AGBL2: variants seen among roughly 807,000 people sequenced by gnomAD.
AGBL2 encodes the protein cytosolic carboxypeptidase 2.
AGBL2 carries 87 observed loss-of-function variants against 103.0 expected under a neutral mutation model. That is an observed-to-expected ratio of 0.84 (90% CI 0.71 to 1.01). The LOEUF (loss-of-function observed/expected upper bound fraction) is 1.01, where lower values mean the gene tolerates loss of function less well. AGBL2 is among the 50% of genes least tolerant of loss of function. The pLI is 0.00. For synonymous variants in AGBL2, 335 were observed against 356.7 expected (o/e 0.94, Z 0.69); for missense variants, 904 against 1,023.5 (o/e 0.88, Z 1.59).
intron 17 of AGBL2, 96 bp downstream of exon 17, chr11:47,666,860 T>C (rs1267102268): frequency 1.2e-6 from 1 of 827,290 alleles, no homozygotes; most frequent in East Asian, 2.6e-5. Context: ...TAGGGTAACG[T>C]AAATGGCTAT....
Position 47,710,481 on chromosome 11 carries a change from G to A in AGBL2, c.128C>T (p.Thr43Met), listed in dbSNP as rs771276401. ...AQRGSLPNSA[T>M]HQHVRKNNPQ... ...GTTATTCTTCCGAACATGCTGATGC[G>A]TAGCAGAGTTTGGTAAACTGCCTCT... is the stretch of plus-strand genomic sequence containing the variant. Residue 43 changes from threonine (T) to methionine (M), a missense_variant, in exon 4 of 19, where the codon ACG becomes ATG. Physicochemically the swap from Thr to Met is moderately conservative, Grantham distance 81 (BLOSUM62 -1). Transcript: ENST00000525123. The A allele has an allele frequency of 4.3e-5, 70 of 1,614,114 alleles. No homozygotes were observed. The highest frequency in any genetic ancestry group is 8.0e-5 in the African/African-American group (6 of 75,030).
At position 47,704,746 on chromosome 11, in the gene AGBL2, A is replaced by G; in HGVS notation, c.401-18T>C. 6.2e-7 allele frequency: 1 copy of G among 1,605,860 alleles called. No homozygotes were observed. Among genetic ancestry groups the G allele is most frequent in the Non-Finnish European group, 8.5e-7 (1 of 1,175,214 alleles). Reference sequence around the variant, plus strand: ...ATGTGAATCTGCCAAAGGGAAAGAGAGTAAGTGAACATCTTCCTTTTCCTC... The same window carrying G: ...ATGTGAATCTGCCAAAGGGAAAGAGGGTAAGTGAACATCTTCCTTTTCCTC... On this transcript the variant is annotated intron_variant, in intron 6 of 18. Transcript: ENST00000525123.
intron 13 of AGBL2, among the ~76,000 whole-genome samples, chr11:47,677,846 C>A (rs7930612): frequency 0.12 from 18,138 of 152,180 alleles, 1,203 homozygotes; most frequent in Non-Finnish European, 0.15. Flanking sequence ...TGCACCCCTG[C>A]TAGTAAGGAC....
intron 4 of AGBL2, among the ~76,000 whole-genome samples, chr11:47,708,811 T>TC (rs1385932430): frequency 1.6e-4 from 22 of 134,606 alleles, no homozygotes; most frequent in African/African-American, 5.8e-4. Flanking sequence ...AGACTCTGTC[T>TC]CAAAAAAAAA....
Position 47,712,971 on chromosome 11 carries a change from G to A in AGBL2, c.97+1313C>T, listed in dbSNP as rs542485682. On this transcript the variant is annotated intron_variant, in intron 3 of 18. Coordinates refer to ENST00000525123, the MANE Select transcript of AGBL2 (RefSeq NM_024783.4). ...GCAGGAAAATCGCTTGACCCCGCGA[G>A]GTGGAAGTTGCAGCAAGCCTAGATT... is the stretch of plus-strand genomic sequence containing the variant. 2.0e-5 allele frequency among the ~76,000 whole-genome samples: 3 copies of A among 152,140 alleles called. No homozygotes were observed. The East Asian group carries it at 5.8e-4, about 29-fold the overall frequency.
rs1349274033 is a variant in AGBL2 at position 47,690,288 on chromosome 11, T to C, written c.1419A>G (p.Lys473=). ...PGESNGSWVM[K]GFLDFILSNS... The stretch of plus-strand genomic sequence containing the variant: ...TGCTAAGGATGAAGTCCAAAAAGCC[T>C]TTCATAACCCAGGAGCCATTACTTT... The change falls in exon 10 of 19, where the codon AAA becomes AAG. Residue 473 remains lysine (K), a synonymous_variant. Transcript: ENST00000525123. 8 of 1,613,684 alleles carry C rather than the reference T, an allele frequency of 5.0e-6. No homozygotes were observed. In the South Asian group the frequency reaches 8.8e-5, roughly 18 times the overall value.
intron 17 of AGBL2, among the ~76,000 whole-genome samples, chr11:47,665,466 G>A (rs2097339060): frequency 6.6e-6 from 1 of 151,886 alleles, no homozygotes; most frequent in Non-Finnish European, 1.5e-5. Flanking sequence ...AAAGTGCTGG[G>A]ATTACAGATG....
chr11:47,663,622 T>C (rs905437682), intron 17 of AGBL2, among the ~76,000 whole-genome samples: 1 of 151,542 alleles, frequency 6.6e-6, no homozygotes, highest in Non-Finnish European at 1.5e-5. Context: ...AATGGCGCAA[T>C]CTTGGCTCAC....
At chr11:47,710,908 T>TAAAA in intron 3 of AGBL2, 1 of 222,720 alleles carries the variant, frequency 4.5e-6, no homozygotes, top group Non-Finnish European at 8.4e-6. Flanking sequence ...AGATCCTGTC[T>TAAAA]CAAAAAAAAA....
chr11:47,702,952 T>G (rs1329476954), intron 7 of AGBL2, among the ~76,000 whole-genome samples: 3 of 152,152 alleles, frequency 2.0e-5, no homozygotes, highest in Non-Finnish European at 4.4e-5. Flanking sequence ...AGACTTGTTC[T>G]GGTAATTAGA....
rs530129785 is a variant in AGBL2 at position 47,680,083 on chromosome 11, A to G, written c.1916-10T>C. On this transcript the variant is annotated splice_polypyrimidine_tract_variant and intron_variant, in intron 12 of 18. Coordinates refer to ENST00000525123, the MANE Select transcript of AGBL2 (RefSeq NM_024783.4). ...GTGTCTCTTTTATTACCTGGAAAAA[A>G]AAAAAACCCCGCAAACATTTCCAAT... 7.4e-6 allele frequency: 11 copies of G among 1,477,186 alleles called. No homozygotes were observed. The African/African-American group carries it at 1.4e-4, about 19-fold the overall frequency. The allele number at this position is 1,477,186 out of a possible 1,614,324, so 91.5% of individuals were successfully genotyped here.
intron 10 of AGBL2, among the ~76,000 whole-genome samples, chr11:47,689,461 C>T (rs550155601): frequency 3.3e-5 from 5 of 152,034 alleles, no homozygotes; most frequent in Middle Eastern, 3.4e-3. Context: ...CCCACCAGCA[C>T]GCCTGGCTAA....
In AGBL2 at chr11:47,690,365, C is replaced by T; in HGVS notation, c.1342G>A (p.Glu448Lys). 6.2e-7 allele frequency: 1 copy of T among 1,614,070 alleles called. No individual in the cohort carries two copies. The highest frequency in any genetic ancestry group is 1.3e-5 in the African/African-American group (1 of 75,032). Residue 448 changes from glutamate to lysine, a missense_variant, in exon 10 of 19, where the codon GAG (glutamate) becomes AAG (lysine). Physicochemically the swap from Glu to Lys is moderately conservative, Grantham distance 56. Transcript: ENST00000525123. ...TITNPSQTPQ[E>K]AAAKKAVVLS... ...ACCACAGCTTTCTTTGCAGCTGCCTCTTGAGGGGTCTGGGATGGGTTGGTG... is the reference window on the plus strand; with the variant it reads ...ACCACAGCTTTCTTTGCAGCTGCCTTTTGAGGGGTCTGGGATGGGTTGGTG...
At chr11:47,683,084 A>G (rs1023131306) in intron 11 of AGBL2, among the ~76,000 whole-genome samples, 13 of 152,118 alleles carry the variant, frequency 8.5e-5, no homozygotes, top group African/African-American at 2.7e-4. Context: ...AGAAAGAGAA[A>G]GAGAGGCCGG....
intron 9 of AGBL2, among the ~76,000 whole-genome samples, chr11:47,691,721 A>ATATATATATATAT: frequency 2.6e-4 from 2 of 7,672 alleles, no homozygotes; most frequent in African/African-American, 7.3e-4. Flanking sequence ...AAAAAAAAAA[A>ATATATATATATAT]AAAAAAAAAT....
intron 7 of AGBL2, among the ~76,000 whole-genome samples, chr11:47,700,510 C>T (rs778892974): frequency 2.0e-5 from 3 of 151,926 alleles, no homozygotes; most frequent in East Asian, 2.0e-4. Flanking sequence ...ACCTGGGAGG[C>T]GGAGGTTGCA....
At chr11:47,707,149 A>C (rs1025907099) in intron 4 of AGBL2, among the ~76,000 whole-genome samples, 17 of 152,102 alleles carry the variant, frequency 1.1e-4, no homozygotes, top group African/African-American at 3.9e-4. Context: ...CAGTGAGCAG[A>C]GATCGTGCCT....
rs1290377170 is a variant in AGBL2 at position 47,685,877 on chromosome 11, T to C, written c.1788+16A>G. The C allele has an allele frequency of 1.2e-6, 2 of 1,610,126 alleles. No homozygotes were observed. Among genetic ancestry groups the C allele is most frequent in the South Asian group, 2.2e-5 (2 of 90,594 alleles). On this transcript the variant is annotated intron_variant, in intron 11 of 18. Transcript: ENST00000525123. ...GTCCCTAACTCAATGGAGAGAAAAT[T>C]ACATTATGTGCTTACCTTATCTGGT...
chr11:47,664,348 G>A (rs1377420257), intron 17 of AGBL2, among the ~76,000 whole-genome samples: 1 of 151,918 alleles, frequency 6.6e-6, no homozygotes, highest in African/African-American at 2.4e-5. Flanking sequence ...CTGGACTCAA[G>A]TGATTCTCCC....
Sources: gnomAD v4.1 joint callset for allele counts (sites outside exome capture counted in the v4.1 genomes callset) on GRCh38, gnomAD v4.1.1 for gene constraint, MANE v1.5 for transcripts, NCBI Gene and HGNC (gene_info 2026-07-23, HGNC 2026-07-21) for gene names.